The following FSTL4 variants were observed in gnomAD, a reference collection of about 807,000 sequenced individuals.
FSTL4 encodes the protein follistatin like 4, also known as follistatin-related protein 4.
A neutral mutation model predicts 78.2 loss-of-function variants in FSTL4; 28 were observed. The ratio of observed to expected loss-of-function variants is 0.36; its 90% CI spans 0.27 to 0.49. FSTL4 has a LOEUF of 0.49. FSTL4 is among the 20% of genes least tolerant of loss of function. The pLI is 0.98. For missense variants in FSTL4, 922 were observed against 1,084.9 expected (o/e 0.85, Z 2.11); for synonymous variants, 422 against 440.5 (o/e 0.96, Z 0.53).
chr5:133,306,758 C>T (rs1753667890), intron 6 of FSTL4, among the ~76,000 whole-genome samples: 1 of 152,180 alleles, frequency 6.6e-6, no homozygotes, highest in Non-Finnish European at 1.5e-5. Flanking sequence ...CCTCAATGAG[C>T]AACTCTGACC....
chr5:133,207,138 GCTTT>G (rs544834650), intron 14 of FSTL4, among the ~76,000 whole-genome samples: 20 of 150,888 alleles, frequency 1.3e-4, no homozygotes, highest in South Asian at 4.2e-4. Flanking sequence ...CTGATGAAAG[GCTTT>G]CTATGTTTTT....
At chr5:133,303,945 G>A (rs1340877162) in intron 6 of FSTL4, among the ~76,000 whole-genome samples, 1 of 152,170 alleles carries the variant, frequency 6.6e-6, no homozygotes, top group African/African-American at 2.4e-5. Flanking sequence ...GGGCTTGGGG[G>A]CACTCCCTGT....
At chr5:133,548,189 T>C (rs1261322370) in intron 3 of FSTL4, among the ~76,000 whole-genome samples, 1 of 152,218 alleles carries the variant, frequency 6.6e-6, no homozygotes, top group African/African-American at 2.4e-5. Flanking sequence ...TGTGAGTCAC[T>C]CTATGAATTA....
the FSTL4 span, among the ~76,000 whole-genome samples, chr5:133,627,406 C>T: frequency 2.6e-5 from 4 of 152,122 alleles, no homozygotes; most frequent in African/African-American, 9.7e-5. Flanking sequence ...ATGAGACTTA[C>T]TCATACCATA....
At chr5:133,390,898 G>A (rs1370721866) in intron 4 of FSTL4, among the ~76,000 whole-genome samples, 5 of 152,126 alleles carry the variant, frequency 3.3e-5, no homozygotes, top group Non-Finnish European at 5.9e-5. Context: ...GTGATCATGC[G>A]AGGCACAAGG....
Position 133,323,365 on chromosome 5 carries a change from G to A in FSTL4, c.410-6713C>T, listed in dbSNP as rs187603245. On this transcript the variant is annotated intron_variant, in intron 4 of 15. Transcript: ENST00000265342. ...CTTAGCAAGTGGTTGGCGAGGCCTG[G>A]GGTCTTCTCTTGGTGAGATGGGCTC... 7.9e-5 allele frequency among the ~76,000 whole-genome samples: 12 copies of A among 152,340 alleles called. No homozygotes were observed. The East Asian group carries it at 1.9e-3, about 24-fold the overall frequency.
At chr5:133,683,284 T>G in the FSTL4 span, among the ~76,000 whole-genome samples, 1 of 152,220 alleles carries the variant, frequency 6.6e-6, no homozygotes, top group South Asian at 2.1e-4. Flanking sequence ...TAGAGCTATT[T>G]GTCCTCATAG....
chr5:133,546,897 C>T (rs1010259324), intron 3 of FSTL4, among the ~76,000 whole-genome samples: 5 of 152,168 alleles, frequency 3.3e-5, no homozygotes, highest in Non-Finnish European at 7.3e-5. Flanking sequence ...ATCAATTTTG[C>T]AGGCATGAAG....
At chr5:133,233,015 A>G (rs1274564290) in intron 8 of FSTL4, among the ~76,000 whole-genome samples, 1 of 152,246 alleles carries the variant, frequency 6.6e-6, no homozygotes, top group East Asian at 1.9e-4. Context: ...AACAAGTGAT[A>G]TGGTTCCATA....
intron 6 of FSTL4, among the ~76,000 whole-genome samples, chr5:133,303,112 C>T (rs1348285309): frequency 5.3e-5 from 8 of 152,196 alleles, no homozygotes; most frequent in South Asian, 2.1e-4. Context: ...GCCCTGCTGC[C>T]GTCTTTGCAT....
At chr5:133,362,716 G>A (rs962830309) in intron 4 of FSTL4, among the ~76,000 whole-genome samples, 1 of 152,228 alleles carries the variant, frequency 6.6e-6, no homozygotes, top group Non-Finnish European at 1.5e-5. Flanking sequence ...GAACACAAGG[G>A]CGAGGCTGAG....
At chr5:133,576,258 G>C (rs149361085) in intron 2 of FSTL4, among the ~76,000 whole-genome samples, 1 of 152,156 alleles carries the variant, frequency 6.6e-6, no homozygotes, top group Non-Finnish European at 1.5e-5. Context: ...TTGGGCACAG[G>C]GGGTGAGGCT....
intron 3 of FSTL4, among the ~76,000 whole-genome samples, chr5:133,546,029 T>A: frequency 6.6e-6 from 1 of 152,234 alleles, no homozygotes; most frequent in East Asian, 1.9e-4. Context: ...TTAAGAGCAA[T>A]GAATTAGAAT....
chr5:133,682,672 C>T, the FSTL4 span, among the ~76,000 whole-genome samples: 2 of 152,226 alleles, frequency 1.3e-5, no homozygotes, highest in African/African-American at 4.8e-5. Flanking sequence ...GCTATGGCCA[C>T]AGAGCAGCCT....
intron 6 of FSTL4, among the ~76,000 whole-genome samples, chr5:133,287,428 C>T (rs548391969): frequency 9.9e-5 from 15 of 151,970 alleles, no homozygotes; most frequent in East Asian, 3.9e-4. Context: ...ACTATTCTAC[C>T]GAGGAGGTGA....
At chr5:133,509,830 C>G (rs1345967369) in intron 3 of FSTL4, among the ~76,000 whole-genome samples, 2 of 152,244 alleles carry the variant, frequency 1.3e-5, no homozygotes, top group Non-Finnish European at 2.9e-5. Context: ...CTCTGTCTCT[C>G]CTGCTGCCCT....
At chr5:133,692,185 T>C in the FSTL4 span, among the ~76,000 whole-genome samples, 1 of 152,074 alleles carries the variant, frequency 6.6e-6, no homozygotes, top group African/African-American at 2.4e-5. Flanking sequence ...CAGAGTCCTA[T>C]TGGCAGGAAG....
chr5:133,447,371 G>A (rs1472965468), intron 3 of FSTL4, among the ~76,000 whole-genome samples: 1 of 152,168 alleles, frequency 6.6e-6, no homozygotes, highest in Non-Finnish European at 1.5e-5. Context: ...AGTACCTGAT[G>A]CATCTCCCAG....
chr5:133,437,751 A>C (rs1048204763), intron 3 of FSTL4, among the ~76,000 whole-genome samples: 1 of 151,472 alleles, frequency 6.6e-6, no homozygotes, highest in Non-Finnish European at 1.5e-5. Context: ...TCAGCCTCCC[A>C]AAGTGCTGGG....
Sources: allele counts gnomAD v4.1 joint callset (sites outside exome capture counted in the v4.1 genomes callset), GRCh38; gene constraint gnomAD v4.1.1; transcripts MANE v1.5; gene names NCBI Gene and HGNC (gene_info 2026-07-23, HGNC 2026-07-21).